Variants in EHMT1 observed in about 807,000 individuals in gnomAD.
EHMT1 encodes the protein euchromatic histone lysine methyltransferase 1.
Under a neutral mutation model 147.2 loss-of-function variants are expected in EHMT1, and 15 were observed. That is an observed-to-expected ratio of 0.10 (90% CI 0.07 to 0.16). The LOEUF (loss-of-function observed/expected upper bound fraction) is 0.16, where lower values mean the gene tolerates loss of function less well. Ranked by LOEUF, EHMT1 falls within the 10% of genes least tolerant of loss-of-function variation. The pLI is 1.00. For missense variants in EHMT1, 1,587 were observed against 1,772.4 expected (o/e 0.90, Z 1.88); for synonymous variants, 795 against 709.6 (o/e 1.12, Z -1.91).
rs1340923128 is a variant in EHMT1 at position 137,813,456 on chromosome 9, A to C, written c.3106A>C (p.Ser1036Arg). ...CGCCGTGGACAGCGAGCCATGCCCC[A>C]GCAACTACAAGTACGTCTCTCAGAA... ...VNAVDSEPCP[S>R]NYKYVSQNCV... Residue 1036 changes from serine (S) to arginine (R), a missense_variant, in exon 21 of 27, where the codon AGC (serine) becomes CGC (arginine). By Grantham distance (110) the Ser-to-Arg change is moderately radical. Transcript: ENST00000460843. The surrounding 1 kb of genome is among the most constrained non-coding windows in gnomAD (Gnocchi z 4.9). 1 of 1,614,046 alleles carries C rather than the reference A, an allele frequency of 6.2e-7. No homozygotes were observed. Among genetic ancestry groups the C allele is most frequent in the Non-Finnish European group, 8.5e-7 (1 of 1,180,004 alleles).
In EHMT1 at chr9:137,836,112, A is replaced by C. The variant is rs946163434; in HGVS notation, c.*1159A>C. On this transcript the variant is annotated 3_prime_UTR_variant, in exon 27 of 27. Transcript: ENST00000460843. ...TGTTTCCAATGAAATCAATAAAAAA[A>C]AAGAAGTACTTTAAATGGGGTTTTT... 2 of 152,458 alleles carry C rather than the reference A, an allele frequency of 1.3e-5. No homozygotes were observed. The highest frequency in any genetic ancestry group is 2.9e-5 in the Non-Finnish European group (2 of 68,040). The allele number at this position is 152,458 out of a possible 1,614,324, so 9.4% of individuals were successfully genotyped here.
chr9:137,709,151 A>G (rs575829297), intron 1 of EHMT1, among the ~76,000 whole-genome samples: 11 of 152,326 alleles, frequency 7.2e-5, no homozygotes, highest in Admixed American at 4.6e-4. Context: ...GAAAAAGGCA[A>G]TTGAGGTCCT....
rs938635577 is a variant in EHMT1, at chr9:137,766,593, C to T, written c.1647+3773C>T. On this transcript the variant is annotated intron_variant, in intron 10 of 26. Transcript: ENST00000460843. ...TCGTGCTGCTGTTCTTCAGCCTGGG[C>T]GACAGAGTGAGACTCCGTCACAAAA... is the stretch of plus-strand genomic sequence containing the variant. Among the ~76,000 whole-genome samples, 194 of 152,216 alleles carry T rather than the reference C, an allele frequency of 1.3e-3. 1 individual carries two copies. The highest frequency in any genetic ancestry group is 3.2e-4 in the Non-Finnish European group (22 of 68,024).
chr9:137,704,108 T>TATCA (rs1160693853), intron 1 of EHMT1, among the ~76,000 whole-genome samples: 1 of 152,140 alleles, frequency 6.6e-6, no homozygotes, highest in African/African-American at 2.4e-5. Context: ...TTGTGAGATA[T>TATCA]ATCACGAAAA....
At chr9:137,722,350 C>A (rs377430650) in intron 3 of EHMT1, among the ~76,000 whole-genome samples, 7 of 152,208 alleles carry the variant, frequency 4.6e-5, no homozygotes, top group Non-Finnish European at 1.0e-4. Flanking sequence ...TAATTGATTA[C>A]AGCACATCAT....
At chr9:137,796,216 G>A (rs536490612) in intron 16 of EHMT1, among the ~76,000 whole-genome samples, 3 of 152,338 alleles carry the variant, frequency 2.0e-5, no homozygotes, top group African/African-American at 4.8e-5. Context: ...CACAGAGGCC[G>A]CCTTTGTGAT....
At chr9:137,664,364 TC>T (rs1939408329) in intron 1 of EHMT1, among the ~76,000 whole-genome samples, 1 of 151,650 alleles carries the variant, frequency 6.6e-6, no homozygotes, top group African/African-American at 2.4e-5. Context: ...TGATCTCTGC[TC>T]ACTGCAACCT....
At chr9:137,792,776 A>C (rs1006473616) in intron 16 of EHMT1, among the ~76,000 whole-genome samples, 5 of 152,220 alleles carry the variant, frequency 3.3e-5, no homozygotes, top group Non-Finnish European at 7.3e-5. Flanking sequence ...TCTTTGAAGA[A>C]GACATGGGGG....
chr9:137,717,406 C>A, intron 3 of EHMT1: 1 of 641,034 alleles, frequency 1.6e-6, no homozygotes, highest in Non-Finnish European at 2.7e-6. Flanking sequence ...AGTTTGAGAC[C>A]AGCCTGGGCA....
At chr9:137,781,470 G>T (rs1464507525) in intron 14 of EHMT1, among the ~76,000 whole-genome samples, 1 of 152,152 alleles carries the variant, frequency 6.6e-6, no homozygotes. Context: ...GAGATGTGTG[G>T]TCATGACGCT....
intron 1 of EHMT1, among the ~76,000 whole-genome samples, chr9:137,668,288 T>A (rs1939917652): frequency 6.6e-6 from 1 of 151,862 alleles, no homozygotes; most frequent in East Asian, 1.9e-4. Context: ...TTTCTTCCTC[T>A]TCCTCCATTC....
chr9:137,766,942 C>G (rs530256038), intron 10 of EHMT1, among the ~76,000 whole-genome samples: 1 of 151,956 alleles, frequency 6.6e-6, no homozygotes, highest in Non-Finnish European at 1.5e-5. Context: ...CTGAGCCTCC[C>G]GAGTGGCTGG....
At chr9:137,802,573 C>G in intron 18 of EHMT1, 3 of 398,620 alleles carry the variant, frequency 7.5e-6, no homozygotes, top group Non-Finnish European at 1.3e-5. Context: ...GACACTTCCT[C>G]TCAGAGCTTG....
At chr9:137,645,114 C>T (rs1844792439) in intron 1 of EHMT1, among the ~76,000 whole-genome samples, 1 of 152,218 alleles carries the variant, frequency 6.6e-6, no homozygotes, top group Non-Finnish European at 1.5e-5. Flanking sequence ...CTCAAATGAT[C>T]CGCCTGCCTC....
Position 137,743,352 on chromosome 9 carries a change from C to CTTTTTTTTT in EHMT1, c.824-11_824-3dup. 3 of 1,492,448 alleles carry CTTTTTTTTT rather than the reference C, an allele frequency of 2.0e-6. No homozygotes were observed. Among genetic ancestry groups the CTTTTTTTTT allele is most frequent in the Non-Finnish European group, 2.7e-6 (3 of 1,122,000 alleles). The allele number at this position is 1,492,448 out of a possible 1,614,324, so 92.5% of individuals were successfully genotyped here. On this transcript the variant is annotated intron_variant, in intron 4 of 26. Transcript: ENST00000460843. ...CTTTTCCTTTCTTGTCCCCTTTTGA[C>CTTTTTTTTT]TTTTTTTTTTTTTTTTAGCTTGCTT...
intron 1 of EHMT1, among the ~76,000 whole-genome samples, chr9:137,679,042 C>T (rs1322262221): frequency 1.3e-5 from 2 of 152,180 alleles, no homozygotes; most frequent in Admixed American, 1.3e-4. Flanking sequence ...TAATCTCCGC[C>T]TCCCGGGTTC....
intron 1 of EHMT1, among the ~76,000 whole-genome samples, chr9:137,683,964 G>A (rs1234016601): frequency 2.6e-5 from 4 of 151,840 alleles, no homozygotes; most frequent in African/African-American, 7.3e-5. Flanking sequence ...GCTTGAACCC[G>A]TCAACAATAT....
intron 1 of EHMT1, among the ~76,000 whole-genome samples, chr9:137,697,006 T>G (rs1943447487): frequency 6.6e-6 from 1 of 152,100 alleles, no homozygotes; most frequent in South Asian, 2.1e-4. Flanking sequence ...AGAGACTGGG[T>G]GTGGGGACTC....
chr9:137,822,970 G>A (rs535065173), intron 25 of EHMT1, among the ~76,000 whole-genome samples: 31 of 151,420 alleles, frequency 2.0e-4, no homozygotes, highest in South Asian at 1.7e-3. Flanking sequence ...CGCTCTTGTC[G>A]CCCAGGCTGG....
Sources: gnomAD v4.1 joint callset for allele counts (sites outside exome capture counted in the v4.1 genomes callset) on GRCh38, gnomAD v4.1.1 for gene constraint, Gnocchi (gnomAD v3.1) non-coding constraint, MANE v1.5 for transcripts, NCBI Gene and HGNC (gene_info 2026-07-23, HGNC 2026-07-21) for gene names.